Variants in PTPN22 observed in about 807,000 individuals in gnomAD.
PTPN22 encodes the protein protein tyrosine phosphatase non-receptor type 22.
Under a neutral mutation model 103.3 loss-of-function variants are expected in PTPN22, and 85 were observed. That is an observed-to-expected ratio of 0.82 (90% CI 0.69 to 0.99). The LOEUF (loss-of-function observed/expected upper bound fraction) is 0.99, where lower values mean the gene tolerates loss of function less well. Ranked by LOEUF, PTPN22 falls within the 50% of genes least tolerant of loss-of-function variation. PTPN22 has a pLI of 0.00. For synonymous variants in PTPN22, 323 were observed against 310.2 expected, an observed-to-expected ratio of 1.04 and a Z score of -0.43; for missense variants, 865 against 936.9, an observed-to-expected ratio of 0.92 and a Z score of 1.00.
At chr1:113,836,896 A>C (rs1663068317) in intron 13 of PTPN22, among the ~76,000 whole-genome samples, 1 of 152,148 alleles carries the variant, frequency 6.6e-6, no homozygotes, top group African/African-American at 2.4e-5. Context: ...ACTGCACTCC[A>C]GCATGGGCAA....
chr1:113,819,480 C>CAT, intron 20 of PTPN22, 97 bp downstream of exon 20: 1 of 843,790 alleles, frequency 1.2e-6, no homozygotes, highest in Non-Finnish European at 1.8e-6. Context: ...AGGACCTATA[C>CAT]ATGCAACCTA....
At position 113,848,695 on chromosome 1, in the gene PTPN22, T is replaced by C. The variant is rs559658792; in HGVS notation, c.829-69A>G. On this transcript the variant is annotated intron_variant, in intron 10 of 20. Transcript: ENST00000359785. ...AAAATTGGTGAACGACAGGACCAGATTTTAGGAATATGAACACCAATCAAA... is the reference window on the plus strand; with the variant it reads ...AAAATTGGTGAACGACAGGACCAGACTTTAGGAATATGAACACCAATCAAA... 509 of 1,422,940 alleles carry C rather than the reference T, an allele frequency of 3.6e-4. 8 individuals are homozygous for C. In the South Asian group the frequency reaches 5.5e-3, roughly 15 times the overall value. The allele number at this position is 1,422,940 out of a possible 1,614,324, so 88.1% of individuals were successfully genotyped here. A position where few individuals can be genotyped will look rare whatever the true frequency, so the allele number is the denominator to read the frequency against.
chr1:113,825,880 A>C (rs1662014171), intron 18 of PTPN22, among the ~76,000 whole-genome samples: 2 of 151,836 alleles, frequency 1.3e-5, no homozygotes, highest in South Asian at 4.2e-4. Context: ...TGCCTGGCTA[A>C]TTTTTTGTAT....
intron 1 of PTPN22, among the ~76,000 whole-genome samples, chr1:113,867,660 G>A (rs546016425): frequency 5.3e-5 from 8 of 152,222 alleles, no homozygotes; most frequent in African/African-American, 1.7e-4. Context: ...CTAGCATCTA[G>A]GGCATTACTT....
Position 113,838,040 on chromosome 1 carries a change from A to G in PTPN22, c.1360T>C (p.Leu454=), listed in dbSNP as rs1027836911. ...TCCTTGGTTTCTCTCTGCTGTATCA[A>G]TTCAAAAGGAGTTGATTTGGTCCGT... is the stretch of plus-strand genomic sequence containing the variant. The change falls in exon 13 of 21, where the codon TTG becomes CTG. Residue 454 remains leucine, a synonymous_variant. Transcript: ENST00000359785. 6 of 1,613,840 alleles carry G rather than the reference A, an allele frequency of 3.7e-6. No individual in the cohort carries two copies. The African/African-American group carries it at 5.3e-5, about 14-fold the overall frequency.
intron 9 of PTPN22, among the ~76,000 whole-genome samples, chr1:113,852,667 G>C (rs1458618969): frequency 6.6e-6 from 1 of 152,138 alleles, no homozygotes; most frequent in Admixed American, 6.5e-5. Flanking sequence ...ATTCAATGGG[G>C]TGGGGCCCAG....
intron 11 of PTPN22, 46 bp downstream of exon 11, chr1:113,848,494 G>A (rs765377269): frequency 6.2e-6 from 10 of 1,607,024 alleles, no homozygotes; most frequent in South Asian, 2.2e-5. Context: ...TTGACCAAAA[G>A]CAAGTATGAA....
At chr1:113,844,480 A>G (rs1375135786) in intron 11 of PTPN22, among the ~76,000 whole-genome samples, 1 of 152,114 alleles carries the variant, frequency 6.6e-6, no homozygotes, top group Non-Finnish European at 1.5e-5. Context: ...ACAAAAAACC[A>G]ATTCTGATTT....
At chr1:113,835,254 C>T (rs1167292651) in intron 13 of PTPN22, among the ~76,000 whole-genome samples, 2 of 152,152 alleles carry the variant, frequency 1.3e-5, no homozygotes, top group Middle Eastern at 3.2e-3. Context: ...CGCGGTGGCT[C>T]ACGCCTGTAA....
At chr1:113,814,180 C>A (rs1661000546) in exon 21 of PTPN22, 1 of 152,120 alleles carries the variant, frequency 6.6e-6, no homozygotes, top group Non-Finnish European at 1.5e-5. Context: ...TCTGAAAGAT[C>A]CTGTATAAAC....
chr1:113,817,304 G>A (rs1200785470), intron 20 of PTPN22, among the ~76,000 whole-genome samples: 2 of 152,098 alleles, frequency 1.3e-5, no homozygotes, highest in Admixed American at 6.5e-5. Context: ...AAACAGTTTC[G>A]AGCTACCTTT....
chr1:113,838,395 T>A (rs867722592), exon 13 of PTPN22: 1 of 1,589,150 alleles, frequency 6.3e-7, no homozygotes, highest in Non-Finnish European at 8.5e-7. Context: ...TCATTTTTGC[T>A]GCTTTTGTGG....
intron 1 of PTPN22, 106 bp from the exon 2 acceptor site, chr1:113,859,566 T>C: frequency 1.2e-6 from 1 of 847,282 alleles, no homozygotes. Flanking sequence ...ACCTCAACCC[T>C]TTTATTATCT....
At chr1:113,861,098 T>C (rs1665543296) in intron 1 of PTPN22, among the ~76,000 whole-genome samples, 1 of 152,218 alleles carries the variant, frequency 6.6e-6, no homozygotes, top group African/African-American at 2.4e-5. Flanking sequence ...GCAGACACTC[T>C]TAGCAAAACA....
chr1:113,856,854 A>T (rs1166069962), intron 5 of PTPN22: 22 of 506,582 alleles, frequency 4.3e-5, no homozygotes, highest in Non-Finnish European at 7.6e-5. Context: ...GAAATCTTTG[A>T]CCTATTTTTA....
chr1:113,816,294 G>A (rs1475279384), intron 20 of PTPN22, among the ~76,000 whole-genome samples: 2 of 151,872 alleles, frequency 1.3e-5, no homozygotes, highest in Admixed American at 6.6e-5. Flanking sequence ...GCAACATAGT[G>A]AAACCTTGTC....
At chr1:113,858,637 C>A in intron 3 of PTPN22, 64 bp from the exon 4 acceptor site, 1 of 1,023,000 alleles carries the variant, frequency 9.8e-7, no homozygotes, top group Non-Finnish European at 1.4e-6. Flanking sequence ...CCTAGTCCTC[C>A]GCTTCCTTTT....
chr1:113,861,114 C>T (rs188493651), intron 1 of PTPN22, among the ~76,000 whole-genome samples: 1 of 152,298 alleles, frequency 6.6e-6, no homozygotes, highest in East Asian at 1.9e-4. Flanking sequence ...AAACATCACA[C>T]AGGAAATGCC....
chr1:113,865,082 A>G (rs557238436), intron 1 of PTPN22, among the ~76,000 whole-genome samples: 1 of 152,366 alleles, frequency 6.6e-6, no homozygotes, highest in South Asian at 2.1e-4. Flanking sequence ...TAGGACATTG[A>G]TAGCCATTTT....
Sources: gnomAD v4.1 joint callset for allele counts (sites outside exome capture counted in the v4.1 genomes callset) on GRCh38, gnomAD v4.1.1 for gene constraint, MANE v1.5 for transcripts, NCBI Gene and HGNC (gene_info 2026-07-23, HGNC 2026-07-21) for gene names.